The following UBTD1 variants were observed in gnomAD, a reference collection of about 807,000 sequenced individuals.
The protein encoded by UBTD1 is ubiquitin domain-containing protein 1.
Under a neutral mutation model 21.7 loss-of-function variants are expected in UBTD1, and 19 were observed. That is an observed-to-expected ratio of 0.87 (90% CI 0.61 to 1.28). UBTD1 has a LOEUF of 1.28. Ranked by LOEUF, UBTD1 falls within the 50% of genes most tolerant of loss-of-function variation. The pLI, the probability that UBTD1 is intolerant of heterozygous loss-of-function variation, is 0.00. For missense variants in UBTD1, 282 were observed against 315.1 expected, an observed-to-expected ratio of 0.89 and a Z score of 0.80; for synonymous variants, 116 against 135.1, an observed-to-expected ratio of 0.86 and a Z score of 0.98.
At chr10:97,502,011 A>C (rs1444076698) in intron 1 of UBTD1, among the ~76,000 whole-genome samples, 5 of 152,316 alleles carry the variant, frequency 3.3e-5, no homozygotes. Flanking sequence ...CAGCAACTAC[A>C]TTGCAAGCCT....
At chr10:97,514,500 G>A (rs2040436020) in intron 1 of UBTD1, among the ~76,000 whole-genome samples, 1 of 152,162 alleles carries the variant, frequency 6.6e-6, no homozygotes, top group Non-Finnish European at 1.5e-5. Flanking sequence ...GGTCATTTCA[G>A]GGGAGAAACT....
chr10:97,569,963 T>A (rs117277346), intron 2 of UBTD1, among the ~76,000 whole-genome samples, 175 bp from the exon 3 acceptor site: 3,682 of 151,096 alleles, frequency 0.024, 69 homozygotes, highest in Non-Finnish European at 0.039. Context: ...GGTCAGAAGG[T>A]CAGGGCCCCA....
rs1471454129 is a variant in UBTD1 at position 97,528,595 on chromosome 10, C to T, written c.70+29322C>T. On this transcript the variant is annotated intron_variant, in intron 1 of 2. Transcript: ENST00000370664. ...GGGGCTCACCCCCCCACCTCCCTCC[C>T]GAACGGGGCGGCTGGCCGGGCGGGG... 1.9e-4 allele frequency among the ~76,000 whole-genome samples: 16 copies of T among 83,688 alleles called. 3 individuals carry two copies. Among genetic ancestry groups the T allele is most frequent in the Admixed American group, 5.0e-4 (5 of 10,006 alleles). 54.9% of individuals were successfully genotyped at this position (83,688 alleles called of 152,430 possible). A position where few individuals can be genotyped will look rare whatever the true frequency, so the allele number is the denominator to read the frequency against.
At chr10:97,538,012 G>C (rs1193376879) in intron 1 of UBTD1, among the ~76,000 whole-genome samples, 3 of 151,784 alleles carry the variant, frequency 2.0e-5, no homozygotes, top group African/African-American at 7.3e-5. Context: ...TTTAAGTAGA[G>C]ATGGGCTTTC....
intron 1 of UBTD1, among the ~76,000 whole-genome samples, chr10:97,514,568 C>T (rs904966808): frequency 3.3e-5 from 5 of 152,164 alleles, no homozygotes; most frequent in African/African-American, 4.8e-5. Flanking sequence ...CGGTTAGCAT[C>T]GCCCTTCCGC....
At chr10:97,534,306 C>T (rs1018695969) in intron 1 of UBTD1, among the ~76,000 whole-genome samples, 12 of 152,204 alleles carry the variant, frequency 7.9e-5, no homozygotes, top group African/African-American at 2.9e-4. Flanking sequence ...AGCCCTGGGA[C>T]TGAGATGGGG....
At chr10:97,548,216 A>G (rs2040620226) in intron 1 of UBTD1, among the ~76,000 whole-genome samples, 1 of 152,228 alleles carries the variant, frequency 6.6e-6, no homozygotes. Flanking sequence ...TTACACATAC[A>G]TAATTATCCA....
intron 1 of UBTD1, among the ~76,000 whole-genome samples, chr10:97,511,398 C>G (rs1293458825): frequency 6.6e-6 from 1 of 152,128 alleles, no homozygotes; most frequent in African/African-American, 2.4e-5. Flanking sequence ...CCATGCAATA[C>G]CCACCTGACT....
chr10:97,550,154 GTC>G (rs747501945), intron 1 of UBTD1, among the ~76,000 whole-genome samples: 4 of 152,184 alleles, frequency 2.6e-5, no homozygotes, highest in African/African-American at 4.8e-5. Context: ...TGAGAGCCGT[GTC>G]TCTCACACCA....
chr10:97,502,341 G>C (rs1465675024), intron 1 of UBTD1, among the ~76,000 whole-genome samples: 1 of 152,156 alleles, frequency 6.6e-6, no homozygotes, highest in Non-Finnish European at 1.5e-5. Context: ...CAGTGCACCT[G>C]GCATTCCTGT....
chr10:97,528,935 C>T (rs1450673576), intron 1 of UBTD1, among the ~76,000 whole-genome samples: 1 of 147,180 alleles, frequency 6.8e-6, no homozygotes, highest in African/African-American at 2.6e-5. Flanking sequence ...GGCGGCTGGC[C>T]TGGCGGGGGC....
intron 1 of UBTD1, among the ~76,000 whole-genome samples, chr10:97,535,639 A>G (rs571905630): frequency 1.3e-5 from 2 of 152,266 alleles, no homozygotes; most frequent in African/African-American, 2.4e-5. Flanking sequence ...AAAAGAAAAA[A>G]AAATTACTTG....
chr10:97,531,727 A>G (rs548624575), intron 1 of UBTD1, among the ~76,000 whole-genome samples: 2 of 152,232 alleles, frequency 1.3e-5, no homozygotes, highest in African/African-American at 4.8e-5. Flanking sequence ...CTTTCTGAGC[A>G]CCAGCATCCT....
chr10:97,532,210 A>C (rs910844822), intron 1 of UBTD1, among the ~76,000 whole-genome samples: 4 of 152,202 alleles, frequency 2.6e-5, no homozygotes, highest in Admixed American at 2.0e-4. Flanking sequence ...TTGGCCCTGG[A>C]GCAAACCAAG....
chr10:97,570,209 G>A lies in UBTD1; in HGVS notation c.370G>A (p.Val124Met), dbSNP rs961005585. ...GCCCATCTACTGCCTGTCACCGCCG[G>A]TGAACCTGCTGCTGGAGCACACGGA... ...QLPIYCLSPP[V>M]NLLLEHTEEE... The change falls in exon 3 of 3, where the codon GTG becomes ATG. Residue 124 changes from valine to methionine, a missense_variant. By Grantham distance (21) the Val-to-Met change is conservative. Coordinates refer to ENST00000370664, the MANE Select transcript of UBTD1 (RefSeq NM_024954.5). The surrounding 1 kb of genome is among the most constrained non-coding windows in gnomAD (Gnocchi z 6.6). 8 of 1,613,220 alleles carry A rather than the reference G, an allele frequency of 5.0e-6. No homozygotes were observed. Among genetic ancestry groups the A allele is most frequent in the Admixed American group, 1.7e-5 (1 of 60,000 alleles).
chr10:97,514,619 T>C (rs1485960481), intron 1 of UBTD1, among the ~76,000 whole-genome samples: 2 of 152,024 alleles, frequency 1.3e-5, no homozygotes, highest in African/African-American at 4.8e-5. Flanking sequence ...ACTCATCCAG[T>C]GGGAGTGTGG....
intron 1 of UBTD1, among the ~76,000 whole-genome samples, chr10:97,519,768 G>A (rs2040459299): frequency 2.0e-5 from 3 of 152,330 alleles, no homozygotes; most frequent in South Asian, 4.1e-4. Context: ...TTAGGTGGGG[G>A]TGTATATGGG....
At chr10:97,511,393 C>A (rs904490864) in intron 1 of UBTD1, among the ~76,000 whole-genome samples, 2 of 152,144 alleles carry the variant, frequency 1.3e-5, no homozygotes, top group Non-Finnish European at 2.9e-5. Context: ...TCCTTCCATG[C>A]AATACCCACC....
chr10:97,502,818 C>CAA (rs1554863483), intron 1 of UBTD1, among the ~76,000 whole-genome samples: 2,295 of 150,544 alleles, frequency 0.015, 51 homozygotes, highest in African/African-American at 0.053. Context: ...GATTGTCACT[C>CAA]ATATGTGTGT....
Sources: gnomAD v4.1 joint callset for allele counts (sites outside exome capture counted in the v4.1 genomes callset) on GRCh38, gnomAD v4.1.1 for gene constraint, Gnocchi (gnomAD v3.1) non-coding constraint, MANE v1.5 for transcripts, NCBI Gene and HGNC (gene_info 2026-07-23, HGNC 2026-07-21) for gene names.